DRC4: variants seen among roughly 807,000 people sequenced by gnomAD.
DRC4 encodes the protein dynein regulatory complex subunit 4, also known as GAS-11.
At chr16:90,042,350 T>C in the DRC4 span, 1 of 765,632 alleles carries the variant, frequency 1.3e-6, no homozygotes. Flanking sequence ...GATGGATGCA[T>C]CCATCAAACC....
the DRC4 span, chr16:90,031,587 G>T: frequency 1.5e-5 from 20 of 1,362,052 alleles, no homozygotes; most frequent in East Asian, 1.3e-4. Flanking sequence ...GACATTTTCT[G>T]TTCTTGGCTT....
chr16:90,031,239 C>T, the DRC4 span: 41 of 1,604,788 alleles, frequency 2.6e-5, no homozygotes, highest in Non-Finnish European at 3.0e-5. Context: ...CGGCCACACG[C>T]CCCGTTGCCG....
At chr16:90,034,892 CTTTTTTTTTTTTTTTTTT>C in the DRC4 span, among the ~76,000 whole-genome samples, 3 of 53,846 alleles carry the variant, frequency 5.6e-5, no homozygotes, top group South Asian at 3.1e-3. Context: ...CCCACCTAAT[CTTTTTTTTTTTTTTTTTT>C]TTTTTTTTTT....
chr16:90,026,026 G>A, the DRC4 span, among the ~76,000 whole-genome samples: 1 of 152,076 alleles, frequency 6.6e-6, no homozygotes, highest in East Asian at 1.9e-4. Context: ...GGCTGAGGTG[G>A]GAGTATCAGT....
the DRC4 span, chr16:90,027,552 G>A: frequency 2.9e-6 from 4 of 1,398,414 alleles, no homozygotes; most frequent in South Asian, 4.7e-5. Flanking sequence ...AACCTTCTCT[G>A]CCAAATGTTC....
chr16:90,034,517 G>A, the DRC4 span, among the ~76,000 whole-genome samples: 1 of 152,116 alleles, frequency 6.6e-6, no homozygotes, highest in Non-Finnish European at 1.5e-5. Flanking sequence ...AGCTACTCGG[G>A]ACGCTGAGGC....
At chr16:90,032,075 G>A in the DRC4 span, among the ~76,000 whole-genome samples, 310 of 151,852 alleles carry the variant, frequency 2.0e-3, 1 homozygote, top group Non-Finnish European at 2.4e-3. Context: ...AGGTGTGTAC[G>A]GGAATTTACA....
At chr16:90,040,693 G>A in the DRC4 span, among the ~76,000 whole-genome samples, 1 of 63,924 alleles carries the variant, frequency 1.6e-5, no homozygotes, top group African/African-American at 4.3e-5. Context: ...CTGGGCAGGG[G>A]AACCAGATCA....
At chr16:90,036,078 A>G in the DRC4 span, 1 of 637,454 alleles carries the variant, frequency 1.6e-6, no homozygotes. Flanking sequence ...GGGTGGCCAC[A>G]CAGGCCTCGG....
the DRC4 span, chr16:90,040,517 C>A: frequency 6.3e-7 from 1 of 1,589,306 alleles, no homozygotes; most frequent in East Asian, 2.3e-5. Flanking sequence ...GAGGTAGGCC[C>A]TAGACAGGCT....
the DRC4 span, among the ~76,000 whole-genome samples, chr16:90,041,141 C>T: frequency 4.6e-5 from 7 of 152,320 alleles, no homozygotes; most frequent in Non-Finnish European, 7.4e-5. Context: ...GCTAAGCCAC[C>T]GAAATGAGGG....
the DRC4 span, chr16:90,022,643 C>T: frequency 1.5e-6 from 2 of 1,378,926 alleles, no homozygotes; most frequent in Non-Finnish European, 1.9e-6. Flanking sequence ...CATCGCCCAG[C>T]GGTTGCCGGG....
chr16:90,026,102 C>T, the DRC4 span, among the ~76,000 whole-genome samples: 3 of 152,038 alleles, frequency 2.0e-5, no homozygotes, highest in East Asian at 5.8e-4. Flanking sequence ...GCTTGGGCGA[C>T]AGAGCAAGAC....
chr16:90,041,621 T>C, the DRC4 span, among the ~76,000 whole-genome samples: 1 of 152,076 alleles, frequency 6.6e-6, no homozygotes, highest in Non-Finnish European at 1.5e-5. Flanking sequence ...CTGGCCAAGA[T>C]GGTGAAACCC....
At chr16:90,020,799 T>A in the DRC4 span, 1 of 152,230 alleles carries the variant, frequency 6.6e-6, no homozygotes, top group Admixed American at 6.5e-5. Flanking sequence ...ATTCTTGCCC[T>A]TTTTGCTGAA....
chr16:90,042,564 G>A, the DRC4 span: 4 of 1,599,090 alleles, frequency 2.5e-6, no homozygotes, highest in Admixed American at 1.7e-5. Context: ...CTCCCTCAGG[G>A]GCACCCCCTC....
chr16:90,022,599 C>G, the DRC4 span: 2 of 1,127,958 alleles, frequency 1.8e-6, no homozygotes, highest in South Asian at 4.2e-5. Context: ...CGCTGCCCGG[C>G]GGAGTCTCGC....
At chr16:90,023,498 G>A in the DRC4 span, among the ~76,000 whole-genome samples, 7,794 of 152,308 alleles carry the variant, frequency 0.051, 272 homozygotes, top group East Asian at 0.16. Context: ...GCCCCACCAA[G>A]TCCCTGCAGC....
chr16:90,042,917 C>G, the DRC4 span: 17 of 513,478 alleles, frequency 3.3e-5, 1 homozygote, highest in South Asian at 4.4e-4. Flanking sequence ...GGGCCCAGAG[C>G]CCTCCCAGAC....
Sources: allele counts gnomAD v4.1 joint callset (sites outside exome capture counted in the v4.1 genomes callset), GRCh38; gene constraint gnomAD v4.1.1; transcripts MANE v1.5; gene names NCBI Gene and HGNC (gene_info 2026-07-23, HGNC 2026-07-21).